The following CAPZB variants were observed in gnomAD, a reference collection of about 807,000 sequenced individuals.
CAPZB encodes the protein capping actin protein of muscle Z-line subunit beta.
CAPZB carries 2 observed loss-of-function variants against 38.1 expected under a neutral mutation model. The ratio of observed to expected loss-of-function variants is 0.05; its 90% CI spans 0.02 to 0.17. The LOEUF is 0.17. Among genes scored for constraint, CAPZB ranks in the 10% least tolerant of loss-of-function variants. The pLI is 1.00. For missense variants in CAPZB, 161 were observed against 334.2 expected (o/e 0.48, Z 4.04); for synonymous variants, 107 against 127.4 (o/e 0.84, Z 1.08).
At chr1:19,430,262 A>G (rs1220296232) in intron 1 of CAPZB, among the ~76,000 whole-genome samples, 3 of 151,972 alleles carry the variant, frequency 2.0e-5, no homozygotes, top group Admixed American at 1.3e-4. Flanking sequence ...CAACCTACAC[A>G]CTACACACAG....
intron 6 of CAPZB, among the ~76,000 whole-genome samples, chr1:19,353,889 G>T (rs2094005678): frequency 6.6e-6 from 1 of 152,240 alleles, no homozygotes; most frequent in Non-Finnish European, 1.5e-5. Flanking sequence ...GGTTGATCCT[G>T]CTTGCGGGGC....
intron 1 of CAPZB, among the ~76,000 whole-genome samples, chr1:19,429,674 T>C (rs1381798620): frequency 1.3e-5 from 2 of 152,214 alleles, no homozygotes; most frequent in African/African-American, 4.8e-5. Flanking sequence ...CCAGGACTTT[T>C]ACATAACATT....
intron 2 of CAPZB, among the ~76,000 whole-genome samples, chr1:19,393,389 A>C (rs1034311953): frequency 1.2e-4 from 18 of 152,128 alleles, no homozygotes; most frequent in Non-Finnish European, 2.2e-4. Flanking sequence ...AAGCATCAAA[A>C]CATATCTCCT....
intron 1 of CAPZB, among the ~76,000 whole-genome samples, chr1:19,435,379 C>A (rs1045271983): frequency 1.3e-5 from 2 of 152,104 alleles, no homozygotes; most frequent in African/African-American, 2.4e-5. Flanking sequence ...GAAAGGGAAG[C>A]AACAAGTTCC....
At chr1:19,408,493 A>ACT (rs1431798199) in intron 2 of CAPZB, among the ~76,000 whole-genome samples, 1 of 148,492 alleles carries the variant, frequency 6.7e-6, no homozygotes, top group Non-Finnish European at 1.5e-5. Context: ...AGGGACAAAG[A>ACT]CTGTGGGCTG....
At chr1:19,462,852 G>A (rs2094556588) in intron 1 of CAPZB, among the ~76,000 whole-genome samples, 1 of 152,114 alleles carries the variant, frequency 6.6e-6, no homozygotes, top group Admixed American at 6.5e-5. Flanking sequence ...CACTGATACT[G>A]AAATTTCAGT....
At chr1:19,471,983 T>C (rs568757595) in intron 1 of CAPZB, among the ~76,000 whole-genome samples, 1 of 151,958 alleles carries the variant, frequency 6.6e-6, no homozygotes, top group South Asian at 2.1e-4. Flanking sequence ...TCCTTGAGGA[T>C]ATTCCCAGGA....
chr1:19,453,287 G>A (rs12090885), intron 1 of CAPZB, among the ~76,000 whole-genome samples: 35,941 of 151,442 alleles, frequency 0.24, 4,555 homozygotes, highest in Non-Finnish European at 0.27. Context: ...TTTGAGTTGG[G>A]GTCTCACTTT....
At chr1:19,425,494 G>A (rs2094419131) in intron 1 of CAPZB, among the ~76,000 whole-genome samples, 1 of 152,130 alleles carries the variant, frequency 6.6e-6, no homozygotes, top group Non-Finnish European at 1.5e-5. Flanking sequence ...AAATAATAAG[G>A]AGGGGAGTTA....
At chr1:19,435,374 G>A (rs570255739) in intron 1 of CAPZB, among the ~76,000 whole-genome samples, 106 of 152,260 alleles carry the variant, frequency 7.0e-4, no homozygotes, top group South Asian at 3.5e-3. Flanking sequence ...TTAAAGAAAG[G>A]GAAGCAACAA....
intron 4 of CAPZB, among the ~76,000 whole-genome samples, chr1:19,367,834 T>C (rs1278793024): frequency 3.9e-5 from 6 of 152,206 alleles, no homozygotes; most frequent in Admixed American, 3.9e-4. Flanking sequence ...AATGAAGGCC[T>C]CTCTGGAAAC....
chr1:19,341,625 C>G (rs575653329), intron 8 of CAPZB, among the ~76,000 whole-genome samples: 25 of 152,328 alleles, frequency 1.6e-4, no homozygotes, highest in African/African-American at 5.3e-4. Flanking sequence ...CTTGAGCAGA[C>G]CTGGCTGCCA....
chr1:19,448,771 A>C (rs2094504578), intron 1 of CAPZB: 1 of 1,598,596 alleles, frequency 6.3e-7, no homozygotes, highest in Non-Finnish European at 8.6e-7. Context: ...TTAACATTTC[A>C]ACCCTGATGG....
chr1:19,443,429 C>T (rs1423986494), intron 1 of CAPZB, among the ~76,000 whole-genome samples: 1 of 151,824 alleles, frequency 6.6e-6, no homozygotes, highest in Non-Finnish European at 1.5e-5. Flanking sequence ...AAATCCATTC[C>T]TTTTTTTAAA....
At chr1:19,341,674 G>A (rs1388828850) in intron 8 of CAPZB, among the ~76,000 whole-genome samples, 1 of 152,170 alleles carries the variant, frequency 6.6e-6, no homozygotes, top group Admixed American at 6.5e-5. Context: ...GGCGGCCAGG[G>A]AACTGCACCA....
At chr1:19,387,379 C>A (rs1218196186) in intron 2 of CAPZB, among the ~76,000 whole-genome samples, 2 of 152,244 alleles carry the variant, frequency 1.3e-5, no homozygotes, top group African/African-American at 4.8e-5. Context: ...GGCCACAGAG[C>A]CCTTCAACTG....
At chr1:19,353,937 T>G (rs540154451) in intron 6 of CAPZB, among the ~76,000 whole-genome samples, 2 of 152,358 alleles carry the variant, frequency 1.3e-5, no homozygotes, top group East Asian at 3.9e-4. Context: ...CTGCAGCTGC[T>G]CATGCCGGCT....
At position 19,481,546 on chromosome 1, in the gene CAPZB, C is replaced by T. The variant is rs188847589; in HGVS notation, c.3+3890G>A. The stretch of plus-strand genomic sequence containing the variant: ...AGTAAAATGGGGGCTGGGCTATAAC[C>T]TAAGTCATGTTTCTGGGTCACAGCA... On this transcript the variant is annotated intron_variant, in intron 1 of 8. Coordinates refer to ENST00000264202, the MANE Select transcript of CAPZB (RefSeq NM_004930.5). 5.4e-4 allele frequency among the ~76,000 whole-genome samples: 83 copies of T among 152,306 alleles called. 1 individual carries two copies. The East Asian group carries it at 0.015, about 28-fold the overall frequency.
rs10583269 is a variant in CAPZB, at chr1:19,432,042, C to CAA, written c.4-12294_4-12293dup. Among the ~76,000 whole-genome samples the CAA allele has an allele frequency of 4.2e-3, 511 of 122,336 alleles. 2 individuals are homozygous for CAA. Among genetic ancestry groups the CAA allele is most frequent in the African/African-American group, 5.8e-3 (181 of 31,338 alleles). The allele number at this position is 122,336 out of a possible 152,430, so 80.3% of individuals were successfully genotyped here. A position where few individuals can be genotyped will look rare whatever the true frequency, so the allele number is the denominator to read the frequency against. ...TGCATAACAGAATGAGATCCTGTCT[C>CAA]AAAAAAAAAAAAAAAAAAAAAAAGA... On this transcript the variant is annotated intron_variant, in intron 1 of 8. Coordinates refer to ENST00000264202, the MANE Select transcript of CAPZB (RefSeq NM_004930.5).
Sources: allele counts gnomAD v4.1 joint callset (sites outside exome capture counted in the v4.1 genomes callset), GRCh38; gene constraint gnomAD v4.1.1; transcripts MANE v1.5; gene names NCBI Gene and HGNC (gene_info 2026-07-23, HGNC 2026-07-21).